The following DNAH5 variants were observed in gnomAD, a reference collection of about 807,000 sequenced individuals.
The protein encoded by DNAH5 is dynein axonemal heavy chain 5, also known as axonemal beta dynein heavy chain 5.
A neutral mutation model predicts 518.2 loss-of-function variants in DNAH5; 372 were observed. That is an observed-to-expected ratio of 0.72 (90% CI 0.66 to 0.78). The LOEUF is 0.78. Ranked by LOEUF, DNAH5 falls within the 30% of genes least tolerant of loss-of-function variation. The pLI is 0.00. For synonymous variants in DNAH5, 2,039 were observed against 2,025.9 expected, an observed-to-expected ratio of 1.01 and a Z score of -0.17; for missense variants, 5,523 against 5,687.0, an observed-to-expected ratio of 0.97 and a Z score of 0.93.
intron 12 of DNAH5, 33 bp downstream of exon 12, chr5:13,911,353 G>T: frequency 2.6e-6 from 4 of 1,527,978 alleles, no homozygotes; most frequent in South Asian, 2.2e-5. Flanking sequence ...ATAAACACAC[G>T]ACTGTCAACA....
chr5:13,777,329 T>C lies in DNAH5; in HGVS notation c.8978A>G (p.Glu2993Gly). The change falls in exon 54 of 79, where the codon GAA becomes GGA. Residue 2993 changes from glutamate (E) to glycine (G), a missense_variant. By Grantham distance (98) the Glu-to-Gly change is moderately conservative. Around this residue, in one of 3 missense-constraint regions of DNAH5, gnomAD observed 5,121 missense variants for 5,223.3 expected, o/e 0.98. Transcript: ENST00000265104. ...TGTTCGATACAAAACCTTCAGATCT[T>C]CCATCAGATTTGATGTGTTGTAGGA... The part of the protein sequence containing the change: ...TRSYNTSNLM[E>G]DLKVLYRTAG... 6.2e-7 allele frequency: 1 copy of C among 1,613,392 alleles called. No individual in the cohort carries two copies. The highest frequency in any genetic ancestry group is 8.5e-7 in the Non-Finnish European group (1 of 1,179,578).
intron 47 of DNAH5, among the ~76,000 whole-genome samples, chr5:13,799,729 G>A (rs1758442105): frequency 6.6e-6 from 1 of 152,076 alleles, no homozygotes; most frequent in Non-Finnish European, 1.5e-5. Context: ...GAAGTGTTTT[G>A]TATATTGAAT....
At position 13,717,421 on chromosome 5, in the gene DNAH5, T is replaced by A. The variant is rs2126509160; in HGVS notation, c.12599A>T (p.Lys4200Met). Residue 4200 changes from lysine (K) to methionine (M), a missense_variant, in exon 73 of 79, where the codon AAG (lysine) becomes ATG (methionine). By Grantham distance (95) the Lys-to-Met change is moderately conservative. Around this residue, in one of 3 missense-constraint regions of DNAH5, gnomAD observed 5,121 missense variants for 5,223.3 expected, o/e 0.98. Coordinates refer to ENST00000265104, the MANE Select transcript of DNAH5 (RefSeq NM_001369.3). ...FLHSTVQERR[K>M]FGALGWNIPY... is the part of the protein sequence containing the mutation. The stretch of plus-strand genomic sequence containing the variant: ...GATATTCCACCCCAGGGCACCGAAC[T>A]TGCGCCTCTCCTGGACAGTGGAGTG... 4 of 1,614,130 alleles carry A rather than the reference T, an allele frequency of 2.5e-6. No individual in the cohort carries two copies. The Middle Eastern group carries it at 5.0e-4, about 200-fold the overall frequency.
Position 13,776,690 on chromosome 5 carries a change from G to GA in DNAH5, c.9121_9122insT (p.Ala3041ValfsTer4). 1 of 1,613,614 alleles carries GA rather than the reference G, an allele frequency of 6.2e-7. No homozygotes were observed. The highest frequency in any genetic ancestry group is 8.5e-7 in the Non-Finnish European group (1 of 1,179,744). On this transcript the variant is annotated frameshift_variant, in exon 55 of 79. Coordinates refer to ENST00000265104, the MANE Select transcript of DNAH5 (RefSeq NM_001369.3). LOFTEE classifies it high-confidence loss of function. ...ATTAATTTCATCAATTTCATCTCGA[G>GA]CAAATAGGTTAGAGACCTTAAAAAG...
chr5:13,700,886 A>G lies in DNAH5; in HGVS notation c.13492-15T>C, dbSNP rs192514899. On this transcript the variant is annotated splice_polypyrimidine_tract_variant and intron_variant, in intron 77 of 78. Coordinates refer to ENST00000265104, the MANE Select transcript of DNAH5 (RefSeq NM_001369.3). ...CGAGTTATTTCCTATTCAGGGCAGC[A>G]AAAGATGAATGGAGCGGTTAGAGGT... 2.2e-4 allele frequency: 357 copies of G among 1,612,946 alleles called. 2 individuals are homozygous for G. The Middle Eastern group carries it at 3.0e-3, about 13-fold the overall frequency.
At chr5:13,889,775 A>T (rs1456375360) in intron 17 of DNAH5, among the ~76,000 whole-genome samples, 1 of 152,136 alleles carries the variant, frequency 6.6e-6, no homozygotes, top group East Asian at 1.9e-4. Flanking sequence ...GGAGGGAGAC[A>T]GCATGAAAAA....
intron 24 of DNAH5, 38 bp from the exon 25 acceptor site, chr5:13,868,030 A>G: frequency 1.4e-6 from 2 of 1,456,520 alleles, no homozygotes; most frequent in Non-Finnish European, 1.9e-6. Flanking sequence ...TTGGCCAGTC[A>G]GATGCATAAA....
chr5:13,756,448 C>A (rs1459663943), intron 61 of DNAH5, among the ~76,000 whole-genome samples: 1 of 152,076 alleles, frequency 6.6e-6, no homozygotes, highest in Non-Finnish European at 1.5e-5. Context: ...TAACAAATAG[C>A]AGATGCTCAA....
chr5:13,698,095 T>C (rs576054910), intron 78 of DNAH5, among the ~76,000 whole-genome samples: 5 of 152,326 alleles, frequency 3.3e-5, no homozygotes, highest in African/African-American at 1.2e-4. Context: ...CAGCTCCTGG[T>C]GCCCCTCTCT....
chr5:13,748,965 G>C (rs1476717336), intron 65 of DNAH5, among the ~76,000 whole-genome samples: 1 of 151,922 alleles, frequency 6.6e-6, no homozygotes, highest in Non-Finnish European at 1.5e-5. Flanking sequence ...CTAGATTGTA[G>C]GAAATGACCC....
chr5:13,713,958 TGAA>T (rs1447336832), intron 75 of DNAH5, among the ~76,000 whole-genome samples: 3 of 152,166 alleles, frequency 2.0e-5, no homozygotes, highest in Non-Finnish European at 2.9e-5. Flanking sequence ...ACTAATGAGA[TGAA>T]GAAGCTGCAG....
intron 75 of DNAH5, among the ~76,000 whole-genome samples, chr5:13,712,598 CACA>C (rs1743635472): frequency 6.6e-6 from 1 of 152,104 alleles, no homozygotes; most frequent in Non-Finnish European, 1.5e-5. Flanking sequence ...TATCCAGAAT[CACA>C]ACGAACTCAA....
intron 41 of DNAH5, among the ~76,000 whole-genome samples, chr5:13,818,669 G>T (rs1263097261): frequency 6.6e-6 from 1 of 152,156 alleles, no homozygotes. Context: ...TGGGATACTT[G>T]TCCAAACCTT....
At chr5:13,872,198 A>T (rs550152464) in intron 22 of DNAH5, among the ~76,000 whole-genome samples, 2 of 152,292 alleles carry the variant, frequency 1.3e-5, no homozygotes, top group South Asian at 4.1e-4. Flanking sequence ...AACCCACTGG[A>T]AGCCTCAATG....
chr5:13,848,935 C>T (rs1766436537), intron 31 of DNAH5, among the ~76,000 whole-genome samples: 1 of 152,174 alleles, frequency 6.6e-6, no homozygotes, highest in South Asian at 2.1e-4. Context: ...TAGCATAGGC[C>T]TTTGAAACAC....
At chr5:13,979,951 T>C (rs548620921) in intron 1 of DNAH5, among the ~76,000 whole-genome samples, 6 of 151,970 alleles carry the variant, frequency 3.9e-5, no homozygotes, top group African/African-American at 1.4e-4. Flanking sequence ...GTGATTCTTC[T>C]GCCTCAGCCT....
At chr5:13,887,711 G>A (rs11747262) in intron 17 of DNAH5, among the ~76,000 whole-genome samples, 16,270 of 152,074 alleles carry the variant, frequency 0.11, 955 homozygotes, top group Non-Finnish European at 0.13. Flanking sequence ...CTCCTAACAC[G>A]ATTTCACACT....
intron 35 of DNAH5, among the ~76,000 whole-genome samples, chr5:13,835,067 C>A (rs1266416764): frequency 6.6e-6 from 1 of 152,022 alleles, no homozygotes; most frequent in Non-Finnish European, 1.5e-5. Flanking sequence ...GGCAGATCAC[C>A]TGAGGTCAAG....
intron 60 of DNAH5, among the ~76,000 whole-genome samples, chr5:13,761,592 CAA>C (rs34662456): frequency 2.2e-5 from 3 of 135,136 alleles, no homozygotes; most frequent in Non-Finnish European, 4.8e-5. Flanking sequence ...GACTCCGTCT[CAA>C]AAAAAAAAAA....
Sources: allele counts gnomAD v4.1 joint callset (sites outside exome capture counted in the v4.1 genomes callset), GRCh38; gene constraint gnomAD v4.1.1; regional missense constraint gnomAD v4.1.1; transcripts MANE v1.5; gene names NCBI Gene and HGNC (gene_info 2026-07-23, HGNC 2026-07-21).